Variants in CCSER1 observed in about 807,000 individuals in gnomAD.
CCSER1 encodes coiled-coil serine rich protein 1.
CCSER1 carries 41 observed loss-of-function variants against 82.0 expected under a neutral mutation model. That is an observed-to-expected ratio of 0.50 (90% CI 0.39 to 0.65). The LOEUF (loss-of-function observed/expected upper bound fraction) is 0.65, where lower values mean the gene tolerates loss of function less well. Among genes scored for constraint, CCSER1 ranks in the 30% least tolerant of loss-of-function variants. The probability of loss-of-function intolerance (pLI) is 0.00; values close to 1 mark genes in which losing one functional copy is unlikely to be tolerated. For missense variants in CCSER1, 1,119 were observed against 1,064.2 expected (o/e 1.05, Z -0.72); for synonymous variants, 414 against 383.9 (o/e 1.08, Z -0.92).
chr4:91,203,649 T>TAA (rs5860223), intron 10 of CCSER1, among the ~76,000 whole-genome samples: 6 of 151,248 alleles, frequency 4.0e-5, no homozygotes, highest in African/African-American at 1.5e-4. Context: ...TATACTATGT[T>TAA]AAAAAAAAAC....
intron 10 of CCSER1, among the ~76,000 whole-genome samples, chr4:91,544,751 G>A (rs928086435): frequency 9.9e-5 from 15 of 151,226 alleles, no homozygotes; most frequent in Non-Finnish European, 1.5e-4. Context: ...TAGGCTACTC[G>A]GGGGTCAGGG....
intron 3 of CCSER1, among the ~76,000 whole-genome samples, chr4:90,376,050 G>A (rs774041860): frequency 2.6e-5 from 4 of 151,854 alleles, no homozygotes; most frequent in Admixed American, 6.6e-5. Context: ...TAGATGCCAG[G>A]AATTAACTTG....
At chr4:91,300,234 T>C (rs1744561637) in intron 10 of CCSER1, among the ~76,000 whole-genome samples, 1 of 151,978 alleles carries the variant, frequency 6.6e-6, no homozygotes, top group Non-Finnish European at 1.5e-5. Flanking sequence ...CAATTTTATG[T>C]TTCTGTTATC....
chr4:90,566,411 A>G (rs1322156553), intron 5 of CCSER1, among the ~76,000 whole-genome samples: 1 of 148,474 alleles, frequency 6.7e-6, no homozygotes, highest in East Asian at 2.1e-4. Flanking sequence ...AGCAGTTAGT[A>G]TCTTGATCTC....
rs76079847 is a variant in CCSER1, at chr4:90,415,105, A to G, written c.1603+14976A>G. On this transcript the variant is annotated intron_variant, in intron 4 of 10. Transcript: ENST00000509176. Reference sequence around the variant, plus strand: ...TTGAGTGTCCTATTAGCATGTATGAAGAAAGAAAATCAGTTGAAAAATCAA... The same window carrying G: ...TTGAGTGTCCTATTAGCATGTATGAGGAAAGAAAATCAGTTGAAAAATCAA... Among the ~76,000 whole-genome samples, 660 of 152,266 alleles carry G rather than the reference A, an allele frequency of 4.3e-3. 6 individuals carry two copies. Among genetic ancestry groups the G allele is most frequent in the African/African-American group, 0.015 (639 of 41,534 alleles).
chr4:90,212,021 C>G (rs1740104506), intron 1 of CCSER1, among the ~76,000 whole-genome samples: 1 of 152,156 alleles, frequency 6.6e-6, no homozygotes, highest in African/African-American at 2.4e-5. Context: ...GAATACAGCT[C>G]TCATCATATA....
intron 10 of CCSER1, among the ~76,000 whole-genome samples, chr4:91,147,663 T>C (rs1729682309): frequency 1.3e-5 from 2 of 152,184 alleles, no homozygotes; most frequent in African/African-American, 4.8e-5. Context: ...GCACCAGCTG[T>C]GCTGGGAGTG....
At chr4:91,163,759 CT>C (rs200389174) in intron 10 of CCSER1, among the ~76,000 whole-genome samples, 16,902 of 151,736 alleles carry the variant, frequency 0.11, 1,064 homozygotes, top group East Asian at 0.23. Context: ...GCAATCCCTG[CT>C]TTTTTTTGCT....
intron 6 of CCSER1, among the ~76,000 whole-genome samples, chr4:90,666,945 AAAT>A (rs1731899274): frequency 6.6e-6 from 1 of 152,206 alleles, no homozygotes; most frequent in Admixed American, 6.5e-5. Context: ...TTTACAAAGA[AAAT>A]AATAACTCTA....
intron 10 of CCSER1, among the ~76,000 whole-genome samples, chr4:91,329,240 T>C (rs575658094): frequency 2.6e-5 from 4 of 152,302 alleles, no homozygotes; most frequent in Non-Finnish European, 5.9e-5. Flanking sequence ...TTTGAACATA[T>C]TGATCTTATA....
chr4:91,039,770 CGTAT>C (rs1283490702), intron 9 of CCSER1, among the ~76,000 whole-genome samples: 2 of 151,722 alleles, frequency 1.3e-5, no homozygotes, highest in East Asian at 1.9e-4. Context: ...ATAATATCCA[CGTAT>C]GTGATATATA....
chr4:91,125,808 C>CA (rs138406610), intron 10 of CCSER1, among the ~76,000 whole-genome samples: 2 of 150,960 alleles, frequency 1.3e-5, no homozygotes, highest in African/African-American at 2.4e-5. Flanking sequence ...CAACATAAAC[C>CA]AAAAAAAGTG....
intron 10 of CCSER1, among the ~76,000 whole-genome samples, chr4:91,175,147 T>C (rs9760366): frequency 0.12 from 17,932 of 152,164 alleles, 1,203 homozygotes; most frequent in East Asian, 0.23. Flanking sequence ...ATAAAGGACA[T>C]GAACTCATCC....
chr4:91,324,918 C>A (rs557258233), intron 10 of CCSER1, among the ~76,000 whole-genome samples: 128 of 152,262 alleles, frequency 8.4e-4, no homozygotes, highest in African/African-American at 2.9e-3. Flanking sequence ...TGTGTTCCCA[C>A]CCAAATCACA....
intron 1 of CCSER1, among the ~76,000 whole-genome samples, chr4:90,212,461 T>A (rs1740205834): frequency 6.6e-6 from 1 of 152,216 alleles, no homozygotes; most frequent in South Asian, 2.1e-4. Flanking sequence ...CTTTATGTTG[T>A]ATCACTTAAA....
chr4:91,155,685 A>T (rs910711360), intron 10 of CCSER1, among the ~76,000 whole-genome samples: 7 of 151,984 alleles, frequency 4.6e-5, no homozygotes, highest in African/African-American at 1.4e-4. Context: ...TTGAAAATAC[A>T]TGGTTAATTA....
chr4:91,343,306 T>C (rs1747836956), intron 10 of CCSER1, among the ~76,000 whole-genome samples: 1 of 152,122 alleles, frequency 6.6e-6, no homozygotes, highest in African/African-American at 2.4e-5. Flanking sequence ...TCTTTCCTCA[T>C]TAACCTGAAA....
chr4:90,338,413 A>C (rs1024264749), intron 3 of CCSER1, among the ~76,000 whole-genome samples: 2 of 152,208 alleles, frequency 1.3e-5, no homozygotes, highest in African/African-American at 4.8e-5. Flanking sequence ...AAACAAAAAG[A>C]ATTGAAAAAT....
At chr4:90,954,370 T>G (rs1733216729) in intron 9 of CCSER1, among the ~76,000 whole-genome samples, 1 of 151,966 alleles carries the variant, frequency 6.6e-6, no homozygotes, top group Non-Finnish European at 1.5e-5. Flanking sequence ...TATTGAATTT[T>G]GCCAATTAGT....
Sources: allele counts gnomAD v4.1 joint callset (sites outside exome capture counted in the v4.1 genomes callset), GRCh38; gene constraint gnomAD v4.1.1; transcripts MANE v1.5; gene names NCBI Gene and HGNC (gene_info 2026-07-23, HGNC 2026-07-21).